The following POU4F2 variants were observed in gnomAD, a reference collection of about 807,000 sequenced individuals.
POU4F2 encodes POU domain, class 4, transcription factor 2.
POU4F2 carries 10 observed loss-of-function variants against 21.5 expected under a neutral mutation model. That is an observed-to-expected ratio of 0.46 (90% CI 0.29 to 0.79). The LOEUF (loss-of-function observed/expected upper bound fraction) is 0.79. Among genes scored for constraint, POU4F2 ranks in the 30% least tolerant of loss-of-function variants. POU4F2 has a pLI of 0.10. For synonymous variants in POU4F2, 324 were observed against 271.1 expected, an observed-to-expected ratio of 1.20 and a Z score of -1.92; for missense variants, 623 against 603.3, an observed-to-expected ratio of 1.03 and a Z score of -0.34.
At position 146,639,382 on chromosome 4, in the gene POU4F2, G is replaced by GC. The variant is rs778084431; in HGVS notation, c.243dup (p.Gly82ArgfsTer24). The GC allele has an allele frequency of 1.4e-6, 2 of 1,471,228 alleles. No homozygotes were observed. The highest frequency in any genetic ancestry group is 1.8e-6 in the Non-Finnish European group (2 of 1,119,932). 91.1% of individuals were successfully genotyped at this position (1,471,228 alleles called of 1,614,324 possible). A position where few individuals can be genotyped will look rare whatever the true frequency, so the allele number is the denominator to read the frequency against. On this transcript the variant is annotated frameshift_variant, in exon 1 of 2. Coordinates refer to ENST00000281321, the MANE Select transcript of POU4F2 (RefSeq NM_004575.3). LOFTEE classifies it high-confidence loss of function. ...TCCAGCAGCAGTGGCAGCAGCGGCG[G>GC]CGGGGGCTCGGAGGCTATGCGGAGA...
In POU4F2 at chr4:146,640,627, C is replaced by T. The variant is rs754454809; in HGVS notation, c.1049C>T (p.Thr350Met). The T allele has an allele frequency of 6.2e-7, 1 of 1,614,114 alleles. No homozygotes were observed. Among genetic ancestry groups the T allele is most frequent in the Non-Finnish European group, 8.5e-7 (1 of 1,180,034 alleles). ...GGCGCGGAGAAGAAGCGCAAGCGCA[C>T]GTCCATCGCTGCGCCAGAGAAGCGC... ...FNGAEKKRKR[T>M]SIAAPEKRSL... Residue 350 changes from threonine to methionine, a missense_variant, in exon 2 of 2, where the codon ACG (threonine) becomes ATG (methionine). Transcript: ENST00000281321. This position sits in a 1 kb window ranked among gnomAD's most constrained non-coding sequence, Gnocchi z 4.8.
In POU4F2 at chr4:146,639,771, C is replaced by T. The variant is rs564051431; in HGVS notation, c.289-96C>T. On this transcript the variant is annotated intron_variant, in intron 1 of 1. Transcript: ENST00000281321. ...TTTAACGATCTGGGAATGTTGTAGG[C>T]GCGGCGACGGTGTCGAGCCCTGGGC... 9.2e-6 allele frequency: 11 copies of T among 1,201,022 alleles called. No individual in the cohort carries two copies. The Admixed American group carries it at 1.0e-4, about 11-fold the overall frequency. The allele number at this position is 1,201,022 out of a possible 1,614,324, so 74.4% of individuals were successfully genotyped here. A position where few individuals can be genotyped will look rare whatever the true frequency, so the allele number is the denominator to read the frequency against.
In POU4F2 at chr4:146,642,358, A is replaced by G. The variant is rs1740903338; in HGVS notation, c.*1550A>G. The G allele has an allele frequency of 6.6e-6, 1 of 152,116 alleles. No individual in the cohort carries two copies. The highest frequency in any genetic ancestry group is 1.5e-5 in the Non-Finnish European group (1 of 68,010). 9.4% of individuals were successfully genotyped at this position (152,116 alleles called of 1,614,324 possible). A position where few individuals can be genotyped will look rare whatever the true frequency, so the allele number is the denominator to read the frequency against. ...GTTTATTTACTATGGTAATGTATTA[A>G]TTTATTTTTGGTGTTGTTCGATTGT... On this transcript the variant is annotated 3_prime_UTR_variant, in exon 2 of 2. Coordinates refer to ENST00000281321, the MANE Select transcript of POU4F2 (RefSeq NM_004575.3).
rs764664393 is a variant in POU4F2 at position 146,640,038 on chromosome 4, G to T, written c.460G>T (p.Ala154Ser). Reference sequence around the variant, plus strand: ...GAATACCATCCCGTGCACGTCGGCCGCCTCTTCTTCATCGGTGCCCATCTC... The same window carrying T: ...GAATACCATCCCGTGCACGTCGGCCTCCTCTTCTTCATCGGTGCCCATCTC... ...TMNTIPCTSA[A>S]SSSSVPISHP... Residue 154 changes from alanine (A) to serine (S), a missense_variant, in exon 2 of 2, where the codon GCC (alanine) becomes TCC (serine). Transcript: ENST00000281321. This position sits in a 1 kb window ranked among gnomAD's most constrained non-coding sequence, Gnocchi z 4.8. 1.9e-6 allele frequency: 3 copies of T among 1,609,926 alleles called. No homozygotes were observed. Among genetic ancestry groups the T allele is most frequent in the Non-Finnish European group, 1.7e-6 (2 of 1,179,858 alleles).
rs530695040 is a variant in POU4F2, at chr4:146,639,305, TGGCGGCGGCGGC to T, written c.189_200del (p.Gly65_Gly68del). ...CCAGCAGCTCGAGCAACGCTGGTGGTGGCGGCGGCGGCGGCGGCGGCGGCGGCGGCGGCGGAG... is the reference window on the plus strand; with the variant it reads ...CCAGCAGCTCGAGCAACGCTGGTGGTGGCGGCGGCGGCGGCGGCGGCGGAG... On this transcript the variant is annotated inframe_deletion, in exon 1 of 2. Coordinates refer to ENST00000281321, the MANE Select transcript of POU4F2 (RefSeq NM_004575.3). 19,990 of 1,305,274 alleles carry T rather than the reference TGGCGGCGGCGGC, an allele frequency of 0.015. 290 individuals are homozygous for T. Among genetic ancestry groups the T allele is most frequent in the Non-Finnish European group, 0.017 (17,158 of 982,842 alleles). 80.9% of individuals were successfully genotyped at this position (1,305,274 alleles called of 1,614,324 possible).
At chr4:146,639,776 C>A in intron 1 of POU4F2, 91 bp from the exon 2 acceptor site, 1 of 1,268,504 alleles carries the variant, frequency 7.9e-7, no homozygotes, top group Non-Finnish European at 1.1e-6. Flanking sequence ...GTAGGCGCGG[C>A]GACGGTGTCG....
intron 1 of POU4F2, 57 bp from the exon 2 acceptor site, chr4:146,639,810 G>A: frequency 1.3e-6 from 2 of 1,484,308 alleles, no homozygotes; most frequent in Non-Finnish European, 9.0e-7. Flanking sequence ...GGCTTCCGGA[G>A]AGAGGGCGTA....
At position 146,640,710 on chromosome 4, in the gene POU4F2, A is replaced by T. The variant is rs760161101; in HGVS notation, c.1132A>T (p.Ile378Phe). The change falls in exon 2 of 2, where the codon ATC becomes TTC. Residue 378 changes from isoleucine to phenylalanine, a missense_variant. Coordinates refer to ENST00000281321, the MANE Select transcript of POU4F2 (RefSeq NM_004575.3). This position sits in a 1 kb window ranked among gnomAD's most constrained non-coding sequence, Gnocchi z 4.8. ...PRPSSEKIAA[I>F]AEKLDLKKNV... ...GCCCTCCTCTGAAAAGATCGCCGCCATCGCGGAGAAGCTGGACCTGAAGAA... is the reference window on the plus strand; with the variant it reads ...GCCCTCCTCTGAAAAGATCGCCGCCTTCGCGGAGAAGCTGGACCTGAAGAA... The T allele has an allele frequency of 1.9e-6, 3 of 1,614,114 alleles. No homozygotes were observed. The highest frequency in any genetic ancestry group is 1.3e-5 in the African/African-American group (1 of 74,946).
rs1189452025 is a variant in POU4F2, at chr4:146,638,951, T to C, written c.-190T>C. 4.4e-6 allele frequency: 3 copies of C among 684,250 alleles called. No individual in the cohort carries two copies. Among genetic ancestry groups the C allele is most frequent in the Non-Finnish European group, 6.9e-6 (3 of 434,624 alleles). The allele number at this position is 684,250 out of a possible 1,614,324, so 42.4% of individuals were successfully genotyped here. A position where few individuals can be genotyped will look rare whatever the true frequency, so the allele number is the denominator to read the frequency against. ...AGCGGAGTCAGGCATCCGTTCAGACTGACAGCAGAGGCGGCGAAGGAGCGC... is the reference window on the plus strand; with the variant it reads ...AGCGGAGTCAGGCATCCGTTCAGACCGACAGCAGAGGCGGCGAAGGAGCGC... On this transcript the variant is annotated 5_prime_UTR_variant, in exon 1 of 2. Coordinates refer to ENST00000281321, the MANE Select transcript of POU4F2 (RefSeq NM_004575.3).
Position 146,640,499 on chromosome 4 carries a change from G to T in POU4F2, c.921G>T (p.Leu307=). ...TCTGCAGGTTCGAGTCCCTCACACT[G>T]TCCCACAATAATATGATCGCGCTCA... ...STICRFESLT[L]SHNNMIALKP... The change falls in exon 2 of 2, where the codon CTG becomes CTT. Residue 307 remains leucine, a synonymous_variant. Coordinates refer to ENST00000281321, the MANE Select transcript of POU4F2 (RefSeq NM_004575.3). This position sits in a 1 kb window ranked among gnomAD's most constrained non-coding sequence, Gnocchi z 4.8. 6.2e-7 allele frequency: 1 copy of T among 1,614,160 alleles called. No homozygotes were observed. The highest frequency in any genetic ancestry group is 8.5e-7 in the Non-Finnish European group (1 of 1,180,028).
chr4:146,642,218 AT>A lies in POU4F2; in HGVS notation c.*1411del, dbSNP rs1740900876. 6.6e-6 allele frequency: 1 copy of A among 152,592 alleles called. No individual in the cohort carries two copies. Among genetic ancestry groups the A allele is most frequent in the Non-Finnish European group, 1.5e-5 (1 of 68,048 alleles). The allele number at this position is 152,592 out of a possible 1,614,324, so 9.5% of individuals were successfully genotyped here. The stretch of plus-strand genomic sequence containing the variant: ...ATCTACTGTAAATATTTCATTAAAA[AT>A]GATGCACACATAGATATATTCTTAC... On this transcript the variant is annotated 3_prime_UTR_variant, in exon 2 of 2. Coordinates refer to ENST00000281321, the MANE Select transcript of POU4F2 (RefSeq NM_004575.3).
intron 1 of POU4F2, 42 bp downstream of exon 1, chr4:146,639,470 A>G (rs1278672392): frequency 1.5e-5 from 22 of 1,449,360 alleles, no homozygotes; most frequent in Non-Finnish European, 2.0e-5. Flanking sequence ...GCACATTTTG[A>G]CAGCCCCCTT....
chr4:146,640,522 T>C lies in POU4F2; in HGVS notation c.944T>C (p.Leu315Pro). 1 of 1,614,086 alleles carries C rather than the reference T, an allele frequency of 6.2e-7. No individual in the cohort carries two copies. Among genetic ancestry groups the C allele is most frequent in the Non-Finnish European group, 8.5e-7 (1 of 1,179,976 alleles). Residue 315 changes from leucine to proline, a missense_variant, in exon 2 of 2, where the codon CTC becomes CCC. Around this residue, in one of 3 missense-constraint regions of POU4F2, gnomAD observed 523 missense variants for 504.1 expected, o/e 1.04. Transcript: ENST00000281321. This position sits in a 1 kb window ranked among gnomAD's most constrained non-coding sequence, Gnocchi z 4.8. ...CTGTCCCACAATAATATGATCGCGC[T>C]CAAACCCATCCTGCAGGCATGGCTC... ...LTLSHNNMIA[L>P]KPILQAWLEE...
rs530695040 is a variant in POU4F2 at position 146,639,305 on chromosome 4, T to TGGC, written c.198_200dup (p.Gly68dup). ...CCAGCAGCTCGAGCAACGCTGGTGG[T>TGGC]GGCGGCGGCGGCGGCGGCGGCGGCG... On this transcript the variant is annotated inframe_insertion, in exon 1 of 2. Coordinates refer to ENST00000281321, the MANE Select transcript of POU4F2 (RefSeq NM_004575.3). 740,694 of 1,286,000 alleles carry TGGC rather than the reference T, an allele frequency of 0.58. 167,540 individuals are homozygous for TGGC. Among genetic ancestry groups the TGGC allele is most frequent in the Non-Finnish European group, 0.6 (584,266 of 967,120 alleles). 79.7% of individuals were successfully genotyped at this position (1,286,000 alleles called of 1,614,324 possible). A position where few individuals can be genotyped will look rare whatever the true frequency, so the allele number is the denominator to read the frequency against.
In POU4F2 at chr4:146,639,823, A is replaced by G. The variant is rs374005840; in HGVS notation, c.289-44A>G. 4.7e-6 allele frequency: 7 copies of G among 1,502,026 alleles called. No homozygotes were observed. The African/African-American group carries it at 9.9e-5, about 21-fold the overall frequency. 93.0% of individuals were successfully genotyped at this position (1,502,026 alleles called of 1,614,324 possible). ...GGGGCTTCCGGAGAGAGGGCGTACA[A>G]TTCCCTGCTGAGCGTAATGTGTGCC... On this transcript the variant is annotated intron_variant, in intron 1 of 1. Transcript: ENST00000281321.
At position 146,640,273 on chromosome 4, in the gene POU4F2, C is replaced by T. The variant is rs376992021; in HGVS notation, c.695C>T (p.Ala232Val). 24 of 1,569,292 alleles carry T rather than the reference C, an allele frequency of 1.5e-5. No homozygotes were observed. The highest frequency in any genetic ancestry group is 1.8e-5 in the Non-Finnish European group (21 of 1,161,596). The change falls in exon 2 of 2, where the codon GCG (alanine) becomes GTG (valine). Residue 232 changes from alanine (A) to valine (V), a missense_variant. By Grantham distance (64) the Ala-to-Val change is moderately conservative. Around this residue, in one of 3 missense-constraint regions of POU4F2, gnomAD observed 523 missense variants for 504.1 expected, o/e 1.04. Transcript: ENST00000281321. The surrounding 1 kb of genome is among the most constrained non-coding windows in gnomAD (Gnocchi z 4.8). ...MATMNPMHQA[A>V]LSMAHAHGLP... is the part of the protein sequence containing the mutation. Reference sequence around the variant, plus strand: ...ACCATGAACCCCATGCACCAAGCAGCGCTCAGCATGGCCCACGCGCACGGG... The same window carrying T: ...ACCATGAACCCCATGCACCAAGCAGTGCTCAGCATGGCCCACGCGCACGGG...
Position 146,638,943 on chromosome 4 carries a change from G to T in POU4F2, c.-198G>T, listed in dbSNP as rs992957614. The T allele has an allele frequency of 1.5e-5, 10 of 655,690 alleles. No homozygotes were observed. In the Admixed American group the frequency reaches 3.3e-4, roughly 21 times the overall value. 40.6% of individuals were successfully genotyped at this position (655,690 alleles called of 1,614,324 possible). A position where few individuals can be genotyped will look rare whatever the true frequency, so the allele number is the denominator to read the frequency against. On this transcript the variant is annotated 5_prime_UTR_variant, in exon 1 of 2. Transcript: ENST00000281321. ...TAGCGGCAAGCGGAGTCAGGCATCC[G>T]TTCAGACTGACAGCAGAGGCGGCGA...
chr4:146,639,545 CCT>C (rs199989946), intron 1 of POU4F2, 117 bp downstream of exon 1: 284 of 1,329,766 alleles, frequency 2.1e-4, no homozygotes, highest in East Asian at 3.3e-4. Context: ...CCAATTTTCC[CCT>C]CTCTCTCTCT....
chr4:146,639,834 A>T, intron 1 of POU4F2, 33 bp from the exon 2 acceptor site: 1 of 1,510,062 alleles, frequency 6.6e-7, no homozygotes, highest in Non-Finnish European at 8.9e-7. Context: ...TTCCCTGCTG[A>T]GCGTAATGTG....
Sources: gnomAD v4.1 joint callset for allele counts on GRCh38, gnomAD v4.1.1 for gene constraint, gnomAD v4.1.1 regional missense constraint, Gnocchi (gnomAD v3.1) non-coding constraint, MANE v1.5 for transcripts, NCBI Gene and HGNC (gene_info 2026-07-23, HGNC 2026-07-21) for gene names.